The following CERCAM variants were observed in gnomAD, a reference collection of about 807,000 sequenced individuals.
The protein encoded by CERCAM is inactive glycosyltransferase 25 family member 3.
In CERCAM, 59 loss-of-function variants were observed where a neutral mutation model predicts 66.0. The ratio of observed to expected loss-of-function variants is 0.89; its 90% CI spans 0.73 to 1.11. CERCAM has a LOEUF of 1.11. Ranked by LOEUF, CERCAM falls within the 50% of genes most tolerant of loss-of-function variation. The probability of loss-of-function intolerance (pLI) is 0.00; values close to 1 mark genes in which losing one functional copy is unlikely to be tolerated. For missense variants in CERCAM, 840 were observed against 828.3 expected, an observed-to-expected ratio of 1.01 and a Z score of -0.17; for synonymous variants, 318 against 343.6, an observed-to-expected ratio of 0.93 and a Z score of 0.83.
intron 6 of CERCAM, 36 bp downstream of exon 6, chr9:128,428,457 C>A: frequency 6.2e-7 from 1 of 1,610,732 alleles, no homozygotes; most frequent in Non-Finnish European, 8.5e-7. Context: ...CACCTGCTGC[C>A]GGGGCTCCCT....
At chr9:128,422,756 A>T in intron 1 of CERCAM, 112 bp from the exon 2 acceptor site, 2 of 1,229,182 alleles carry the variant, frequency 1.6e-6, no homozygotes, top group Non-Finnish European at 2.3e-6. Context: ...CCTACCCTTC[A>T]CTGTTCCAAG....
chr9:128,421,538 C>T, intron 1 of CERCAM: 1 of 986,738 alleles, frequency 1.0e-6, no homozygotes, highest in Non-Finnish European at 1.2e-6. Context: ...GCACTGGGCT[C>T]CGGGCTGTGC....
Position 128,428,867 on chromosome 9 carries a change from A to C in CERCAM, c.963+34A>C, listed in dbSNP as rs538928050. 1.9e-5 allele frequency: 31 copies of C among 1,611,302 alleles called. No individual in the cohort carries two copies. The East Asian group carries it at 5.8e-4, about 30-fold the overall frequency. On this transcript the variant is annotated intron_variant, in intron 7 of 12. Coordinates refer to ENST00000372838, the MANE Select transcript of CERCAM (RefSeq NM_016174.5). ...CCCAGCCTGTGGGCTCGCTGTTAGG[A>C]GGTGGATGGGCCCTCCTCTTCCGCT... is the stretch of plus-strand genomic sequence containing the variant.
chr9:128,431,297 G>A lies in CERCAM; in HGVS notation c.1197G>A (p.Trp399Ter). The A allele has an allele frequency of 6.2e-7, 1 of 1,614,020 alleles. No individual in the cohort carries two copies. The highest frequency in any genetic ancestry group is 8.5e-7 in the Non-Finnish European group (1 of 1,180,002). ...VGCFLSHYSI[W>*]EEVVARGLAR... ...GCTTCCTCAGCCATTACTCCATCTG[G>A]GAAGAGGTGAGGGTGCCTGCTTCCT... is the stretch of plus-strand genomic sequence containing the variant. Residue 399 changes from tryptophan to a stop codon, truncating the protein, a stop_gained, in exon 9 of 13, where the codon TGG becomes TGA. Coordinates refer to ENST00000372838, the MANE Select transcript of CERCAM (RefSeq NM_016174.5). LOFTEE classifies it high-confidence loss of function.
intron 9 of CERCAM, among the ~76,000 whole-genome samples, chr9:128,433,196 G>A (rs536151431): frequency 9.5e-4 from 143 of 150,682 alleles, no homozygotes; most frequent in African/African-American, 3.2e-3. Context: ...GGAGAATGGC[G>A]TGAACCCAGG....
At chr9:128,420,848 G>C, upstream of CERCAM, 1 of 1,142,484 alleles carries the variant, frequency 8.8e-7, no homozygotes, top group Non-Finnish European at 1.1e-6. This position sits in a 1 kb window ranked among gnomAD's most constrained non-coding sequence, Gnocchi z 5.0. Flanking sequence ...GAGAGCTCCG[G>C]GGGCCGCTGC....
In CERCAM at chr9:128,428,961, A is replaced by G. The variant is rs1256787673; in HGVS notation, c.995A>G (p.Asp332Gly). 2 of 1,610,912 alleles carry G rather than the reference A, an allele frequency of 1.2e-6. No individual in the cohort carries two copies. The highest frequency in any genetic ancestry group is 2.2e-5 in the South Asian group (2 of 90,758). ...GTCATCAGCCTGGCTCGCAGGCCTG[A>G]CCGTCGGGAACGCATGCTCGCCTCG... ...VFVISLARRP[D>G]RRERMLASLW... The change falls in exon 8 of 13, where the codon GAC becomes GGC. Residue 332 changes from aspartate (D) to glycine (G), a missense_variant. Physicochemically the swap from Asp to Gly is moderately conservative, Grantham distance 94. Transcript: ENST00000372838.
chr9:128,420,570 C>G (rs1833682706), upstream of CERCAM: 1 of 180,956 alleles, frequency 5.5e-6, no homozygotes, highest in African/African-American at 2.4e-5. The surrounding 1 kb of genome is among the most constrained non-coding windows in gnomAD (Gnocchi z 5.0). Flanking sequence ...ACGCACTCGT[C>G]CTAGCACCCC....
Position 128,429,024 on chromosome 9 carries a change from C to A in CERCAM, c.1058C>A (p.Ala353Asp). ...EMEISGRVVD[A>D]VDGWMLNSSA... is the part of the protein sequence containing the mutation. ...GAGATCTCTGGGAGGGTGGTGGACG[C>A]TGTGGATGGCTGGTGAGCCTGCCTG... The change falls in exon 8 of 13, where the codon GCT becomes GAT. Residue 353 changes from alanine (A) to aspartate (D), a missense_variant. By Grantham distance (126) the Ala-to-Asp change is moderately radical (BLOSUM62 -2). Transcript: ENST00000372838. The A allele has an allele frequency of 6.2e-7, 1 of 1,604,760 alleles. No individual in the cohort carries two copies. Among genetic ancestry groups the A allele is most frequent in the South Asian group, 1.1e-5 (1 of 89,684 alleles).
chr9:128,422,567 C>G, intron 1 of CERCAM: 2 of 296,994 alleles, frequency 6.7e-6, no homozygotes, highest in Non-Finnish European at 1.3e-5. Flanking sequence ...GATTCCATCT[C>G]AAAAAAAATG....
Position 128,420,887 on chromosome 9 carries a change from G to C in CERCAM, c.10G>C (p.Ala4Pro), listed in dbSNP as rs1833692814. 4 of 1,303,486 alleles carry C rather than the reference G, an allele frequency of 3.1e-6. No homozygotes were observed. Among genetic ancestry groups the C allele is most frequent in the Non-Finnish European group, 3.9e-6 (4 of 1,028,576 alleles). The allele number at this position is 1,303,486 out of a possible 1,614,324, so 80.7% of individuals were successfully genotyped here. A position where few individuals can be genotyped will look rare whatever the true frequency, so the allele number is the denominator to read the frequency against. Residue 4 changes from alanine to proline, a missense_variant, in exon 1 of 13, where the codon GCC becomes CCC. Physicochemically the swap from Ala to Pro is conservative, Grantham distance 27 (BLOSUM62 -1). Coordinates refer to ENST00000372838, the MANE Select transcript of CERCAM (RefSeq NM_016174.5). The surrounding 1 kb of genome is among the most constrained non-coding windows in gnomAD (Gnocchi z 5.0). ...CGCCCAAGCGCCCGCCATGCGCGCT[G>C]CCCGCGCCGCGCCGCTGCTCCAGCT... MRAARAAPLLQLLL... is the reference protein window; with the variant it reads MRAPRAAPLLQLLL...
chr9:128,428,911 A>ACC lies in CERCAM; in HGVS notation c.964-14_964-13dup. The ACC allele has an allele frequency of 6.2e-7, 1 of 1,602,094 alleles. No individual in the cohort carries two copies. The highest frequency in any genetic ancestry group is 8.5e-7 in the Non-Finnish European group (1 of 1,174,130). ...TTCCGCTCCCTTGCACTTACCGCCC[A>ACC]CCCCCCTGCCTCCTCCAGGTCTTTG... On this transcript the variant is annotated intron_variant, in intron 7 of 12. Coordinates refer to ENST00000372838, the MANE Select transcript of CERCAM (RefSeq NM_016174.5).
chr9:128,424,601 C>T lies in CERCAM; in HGVS notation c.753C>T (p.Ala251=). 2 of 1,614,042 alleles carry T rather than the reference C, an allele frequency of 1.2e-6. No homozygotes were observed. Among genetic ancestry groups the T allele is most frequent in the Non-Finnish European group, 8.5e-7 (1 of 1,179,980 alleles). The change falls in exon 5 of 13, where the codon GCC becomes GCT. Residue 251 remains alanine (A), a synonymous_variant. Coordinates refer to ENST00000372838, the MANE Select transcript of CERCAM (RefSeq NM_016174.5). ...ACGACATCATCGTCTTCGCCTATGC[C>T]TGCCAGGCTGCTGGTGAGGACCAGC... ...PFDDIIVFAY[A]CQAAGVSVHV...
intron 9 of CERCAM, chr9:128,431,505 T>C (rs1833976484): frequency 6.5e-6 from 4 of 610,934 alleles, no homozygotes; most frequent in East Asian, 5.7e-5. Flanking sequence ...CTTGAGCATC[T>C]ACTATGTGCT....
intron 5 of CERCAM, among the ~76,000 whole-genome samples, chr9:128,425,605 G>A (rs1412533448): frequency 6.0e-5 from 9 of 151,092 alleles, no homozygotes; most frequent in African/African-American, 9.8e-5. Context: ...TCTGCCTTCC[G>A]GGTTCAAGCA....
At chr9:128,430,124 G>T (rs1833941409) in intron 8 of CERCAM, among the ~76,000 whole-genome samples, 1 of 152,082 alleles carries the variant, frequency 6.6e-6, no homozygotes, top group South Asian at 2.1e-4. Context: ...TTTTTGACTG[G>T]GCACGGTGGC....
Position 128,434,168 on chromosome 9 carries a change from A to AG in CERCAM, c.1275dup (p.Arg426AlafsTer29). 1 of 1,614,094 alleles carries AG rather than the reference A, an allele frequency of 6.2e-7. No individual in the cohort carries two copies. Among genetic ancestry groups the AG allele is most frequent in the Non-Finnish European group, 8.5e-7 (1 of 1,179,994 alleles). ...TGACGTGCGCTTTGAGAGCAACTTC[A>AG]GGGGGCGGCTGGAGCGGCTGATGGA... On this transcript the variant is annotated frameshift_variant, in exon 10 of 13. Coordinates refer to ENST00000372838, the MANE Select transcript of CERCAM (RefSeq NM_016174.5). LOFTEE classifies it high-confidence loss of function. This position sits in a 1 kb window ranked among gnomAD's most constrained non-coding sequence, Gnocchi z 4.5.
rs1436258518 is a variant in CERCAM at position 128,423,264 on chromosome 9, G to C, written c.426+1G>C. 2.5e-6 allele frequency: 4 copies of C among 1,611,528 alleles called. No homozygotes were observed. The highest frequency in any genetic ancestry group is 3.4e-6 in the Non-Finnish European group (4 of 1,178,168). On this transcript the variant is annotated splice_donor_variant, in intron 3 of 12. Transcript: ENST00000372838. LOFTEE classifies it high-confidence loss of function. ...GAACTGGGGGGCCGACTATATCCTG[G>C]TGAGGAAGTCTGGCTAGAATCGGGC...
chr9:128,433,703 C>A (rs569296679), intron 9 of CERCAM, among the ~76,000 whole-genome samples: 2 of 152,168 alleles, frequency 1.3e-5, no homozygotes, highest in African/African-American at 2.4e-5. Flanking sequence ...TCAGCAGATG[C>A]GGGTTCATAT....
Sources: gnomAD v4.1 joint callset for allele counts (sites outside exome capture counted in the v4.1 genomes callset) on GRCh38, gnomAD v4.1.1 for gene constraint, Gnocchi (gnomAD v3.1) non-coding constraint, MANE v1.5 for transcripts, NCBI Gene and HGNC (gene_info 2026-07-23, HGNC 2026-07-21) for gene names.